PTPRD: variants seen among roughly 807,000 people sequenced by gnomAD.
The protein encoded by PTPRD is receptor-type tyrosine-protein phosphatase delta.
A neutral mutation model predicts 214.5 loss-of-function variants in PTPRD; 34 were observed. The observed-to-expected ratio is 0.16, with a 90% CI of 0.12 to 0.21. The LOEUF (loss-of-function observed/expected upper bound fraction) is 0.21. Ranked by LOEUF, PTPRD falls within the 10% of genes least tolerant of loss-of-function variation. The probability of loss-of-function intolerance (pLI) is 1.00; values close to 1 mark genes in which losing one functional copy is unlikely to be tolerated. For missense variants in PTPRD, 2,545 were observed against 2,398.7 expected, an observed-to-expected ratio of 1.06 and a Z score of -1.27; for synonymous variants, 1,128 against 845.7, an observed-to-expected ratio of 1.33 and a Z score of -5.79.
intron 11 of PTPRD, among the ~76,000 whole-genome samples, chr9:9,006,703 A>G (rs1393992648): frequency 6.6e-6 from 1 of 152,064 alleles, no homozygotes; most frequent in Admixed American, 6.6e-5. Flanking sequence ...TTTCCCTGAT[A>G]TTTTAAAAAA....
rs1168290137 is a variant in PTPRD, at chr9:10,019,941, A to G, written c.-472+13777T>C. ...CTTAAAGTATAATAAAAAAAATTAT[A>G]GTGCTTTCTTAGTGGCATTGTGAGT... On this transcript the variant is annotated intron_variant, in intron 4 of 45. Transcript: ENST00000381196. Among the ~76,000 whole-genome samples the G allele has an allele frequency of 6.0e-5, 9 of 149,818 alleles. No homozygotes were observed. In the East Asian group the frequency reaches 1.8e-3, roughly 29 times the overall value.
At chr9:10,597,400 T>C (rs1292423207) in intron 2 of PTPRD, among the ~76,000 whole-genome samples, 1 of 151,802 alleles carries the variant, frequency 6.6e-6, no homozygotes, top group Non-Finnish European at 1.5e-5. Flanking sequence ...CAGGGTTTCA[T>C]TCTTCAAATA....
chr9:8,830,199 C>G (rs1426096069), intron 11 of PTPRD, among the ~76,000 whole-genome samples: 2 of 152,136 alleles, frequency 1.3e-5, no homozygotes, highest in Non-Finnish European at 2.9e-5. Flanking sequence ...TGCTCAAGGT[C>G]TCACAGCTTA....
At chr9:8,546,752 G>A (rs1421907964) in intron 14 of PTPRD, among the ~76,000 whole-genome samples, 1 of 151,976 alleles carries the variant, frequency 6.6e-6, no homozygotes, top group African/African-American at 2.4e-5. Flanking sequence ...TGCCTGCCTG[G>A]AGCCTCCCAA....
intron 2 of PTPRD, among the ~76,000 whole-genome samples, chr9:10,351,708 T>C (rs1195216832): frequency 2.0e-5 from 3 of 151,686 alleles, no homozygotes; most frequent in African/African-American, 7.3e-5. Flanking sequence ...AAATCTTTTA[T>C]CACATTTGCA....
At chr9:8,555,962 C>T (rs1352828676) in intron 14 of PTPRD, among the ~76,000 whole-genome samples, 1 of 152,120 alleles carries the variant, frequency 6.6e-6, no homozygotes, top group Non-Finnish European at 1.5e-5. Flanking sequence ...GTGAAGACAT[C>T]TTCATTTCTC....
At position 8,437,643 on chromosome 9, in the gene PTPRD, A is replaced by G. The variant is rs545289828; in HGVS notation, c.3989-954T>C. Reference sequence around the variant, plus strand: ...CTGTGATATTTTGCCCCAGGTCCCCATTATTCAACCCCCAGCAAACCTACA... The same window carrying G: ...CTGTGATATTTTGCCCCAGGTCCCCGTTATTCAACCCCCAGCAAACCTACA... On this transcript the variant is annotated intron_variant, in intron 34 of 45. Coordinates refer to ENST00000381196, the MANE Select transcript of PTPRD (RefSeq NM_002839.4). Among the ~76,000 whole-genome samples the G allele has an allele frequency of 2.0e-5, 3 of 152,280 alleles. No individual in the cohort carries two copies. The South Asian group carries it at 6.2e-4, about 32-fold the overall frequency.
chr9:10,556,398 T>C (rs2062601691), intron 2 of PTPRD, among the ~76,000 whole-genome samples: 1 of 152,094 alleles, frequency 6.6e-6, no homozygotes. Flanking sequence ...ATGAAAACAG[T>C]GTTTTTCCAT....
chr9:8,563,824 G>A (rs1246602522), intron 14 of PTPRD, among the ~76,000 whole-genome samples: 1 of 152,056 alleles, frequency 6.6e-6, no homozygotes, highest in African/African-American at 2.4e-5. Context: ...ATCACACTCA[G>A]TTCTAAGTTT....
chr9:9,623,536 T>G (rs964491525), intron 7 of PTPRD, among the ~76,000 whole-genome samples: 26 of 152,222 alleles, frequency 1.7e-4, no homozygotes, highest in African/African-American at 6.3e-4. Context: ...TACCTCATAT[T>G]ACCCCCTTTC....
At chr9:8,647,963 C>A (rs184744419) in intron 12 of PTPRD, among the ~76,000 whole-genome samples, 1 of 152,208 alleles carries the variant, frequency 6.6e-6, no homozygotes, top group Non-Finnish European at 1.5e-5. Context: ...CAGTTGCCAC[C>A]ATGGGACTTC....
intron 23 of PTPRD, 135 bp downstream of exon 23, chr9:8,504,126 T>C: frequency 2.4e-6 from 2 of 820,010 alleles, no homozygotes; most frequent in East Asian, 2.5e-5. Flanking sequence ...CTTTCACCTG[T>C]GAAGTGTGAT....
intron 8 of PTPRD, among the ~76,000 whole-genome samples, chr9:9,507,893 T>C (rs2096607163): frequency 6.6e-6 from 1 of 151,464 alleles, no homozygotes; most frequent in South Asian, 2.1e-4. Context: ...GTCATTCGTG[T>C]CTTGGGTAGC....
At chr9:9,068,425 T>C (rs527975428) in intron 10 of PTPRD, among the ~76,000 whole-genome samples, 52 of 152,326 alleles carry the variant, frequency 3.4e-4, no homozygotes, top group African/African-American at 3.6e-4. Flanking sequence ...CTGATGCTTC[T>C]TTGAGAAGCT....
intron 5 of PTPRD, among the ~76,000 whole-genome samples, chr9:9,794,458 G>A (rs1447210060): frequency 6.6e-6 from 1 of 152,010 alleles, no homozygotes; most frequent in Non-Finnish European, 1.5e-5. Flanking sequence ...AGAGGCAAAA[G>A]TGAGTGTATC....
At chr9:8,416,928 G>C (rs946364070) in intron 35 of PTPRD, among the ~76,000 whole-genome samples, 1 of 151,848 alleles carries the variant, frequency 6.6e-6, no homozygotes, top group Non-Finnish European at 1.5e-5. Context: ...TAAATTAGGA[G>C]AACTGGGATG....
intron 2 of PTPRD, among the ~76,000 whole-genome samples, chr9:10,411,428 T>A (rs943485249): frequency 6.6e-6 from 1 of 151,778 alleles, no homozygotes; most frequent in African/African-American, 2.4e-5. Flanking sequence ...AACTGAAACA[T>A]GTTTAATTTC....
At chr9:9,435,608 C>T (rs1286541045) in intron 8 of PTPRD, among the ~76,000 whole-genome samples, 1 of 152,052 alleles carries the variant, frequency 6.6e-6, no homozygotes, top group Non-Finnish European at 1.5e-5. Flanking sequence ...TTGGATTTTT[C>T]AACTGCCTTT....
At chr9:9,454,019 G>A (rs2092635188) in intron 8 of PTPRD, among the ~76,000 whole-genome samples, 1 of 151,322 alleles carries the variant, frequency 6.6e-6, no homozygotes, top group South Asian at 2.1e-4. Flanking sequence ...TTTCAGTTAT[G>A]TTCCCTTTTT....
Sources: gnomAD v4.1 joint callset for allele counts (sites outside exome capture counted in the v4.1 genomes callset) on GRCh38, gnomAD v4.1.1 for gene constraint, MANE v1.5 for transcripts, NCBI Gene and HGNC (gene_info 2026-07-23, HGNC 2026-07-21) for gene names.